TENM3: variants seen among roughly 807,000 people sequenced by gnomAD.
TENM3 encodes teneurin transmembrane protein 3, also known as teneurin-3.
In TENM3, 63 loss-of-function variants were observed where a neutral mutation model predicts 255.1. The observed-to-expected ratio is 0.25, with a 90% CI of 0.20 to 0.30. TENM3 has a LOEUF of 0.30. Among genes scored for constraint, TENM3 ranks in the 10% least tolerant of loss-of-function variants. The probability of loss-of-function intolerance (pLI) is 1.00; values close to 1 mark genes in which losing one functional copy is unlikely to be tolerated. For missense variants in TENM3, 2,929 were observed against 3,461.1 expected, an observed-to-expected ratio of 0.85 and a Z score of 3.86; for synonymous variants, 1,306 against 1,322.3, an observed-to-expected ratio of 0.99 and a Z score of 0.27.
At chr4:182,798,142 G>C (rs1432532374) in intron 27 of TENM3, among the ~76,000 whole-genome samples, 1 of 152,024 alleles carries the variant, frequency 6.6e-6, no homozygotes. Flanking sequence ...CAAGTATCTG[G>C]GACTACAGGC....
Position 182,646,940 on chromosome 4 carries a change from T to G in TENM3, c.989-6831T>G, listed in dbSNP as rs1457446755. ...GAAGGAGAGAAATTAAGCAAAAATT[T>G]GAAAGATATCAGAATTAAGAAACCC... On this transcript the variant is annotated intron_variant, in intron 5 of 27. Coordinates refer to ENST00000511685, the MANE Select transcript of TENM3 (RefSeq NM_001080477.4). Among the ~76,000 whole-genome samples, 3 of 152,256 alleles carry G rather than the reference T, an allele frequency of 2.0e-5. No individual in the cohort carries two copies. In the East Asian group the frequency reaches 5.8e-4, roughly 29 times the overall value.
chr4:182,431,603 A>G (rs1301807361), intron 3 of TENM3, among the ~76,000 whole-genome samples: 1 of 152,200 alleles, frequency 6.6e-6, no homozygotes, highest in Non-Finnish European at 1.5e-5. Flanking sequence ...AGGAAAGACA[A>G]TTGAAATTTC....
At chr4:181,875,628 G>A in the TENM3 span, among the ~76,000 whole-genome samples, 5 of 152,074 alleles carry the variant, frequency 3.3e-5, no homozygotes, top group Admixed American at 1.3e-4. Context: ...GTCAAAAGAC[G>A]ACAACACATT....
At chr4:182,373,778 T>C (rs1767000786) in intron 3 of TENM3, among the ~76,000 whole-genome samples, 1 of 152,210 alleles carries the variant, frequency 6.6e-6, no homozygotes. Context: ...AGAGTCATTT[T>C]TGGGAGCCCC....
At chr4:181,477,373 C>G in the TENM3 span, among the ~76,000 whole-genome samples, 1 of 152,002 alleles carries the variant, frequency 6.6e-6, no homozygotes, top group African/African-American at 2.4e-5. Flanking sequence ...TTACTTACTG[C>G]CATATATACT....
At chr4:181,620,078 T>C in the TENM3 span, among the ~76,000 whole-genome samples, 6 of 151,968 alleles carry the variant, frequency 3.9e-5, no homozygotes, top group African/African-American at 7.3e-5. Flanking sequence ...CTGGGCAACA[T>C]AGGGAGACTC....
the TENM3 span, among the ~76,000 whole-genome samples, chr4:181,833,198 A>G: frequency 1.3e-5 from 2 of 152,170 alleles, no homozygotes; most frequent in African/African-American, 2.4e-5. Flanking sequence ...AGGAGAGGCT[A>G]TCAGAGATCA....
chr4:181,938,449 CACA>C, the TENM3 span, among the ~76,000 whole-genome samples: 6 of 152,172 alleles, frequency 3.9e-5, no homozygotes, highest in Admixed American at 6.5e-5. Context: ...AGAGATAATA[CACA>C]ACAAGCATAT....
At chr4:181,718,409 G>A in the TENM3 span, among the ~76,000 whole-genome samples, 1 of 152,026 alleles carries the variant, frequency 6.6e-6, no homozygotes, top group Non-Finnish European at 1.5e-5. Context: ...GTCACCCAAC[G>A]TTCAGTTTGA....
chr4:181,760,861 T>C, the TENM3 span, among the ~76,000 whole-genome samples: 1 of 151,920 alleles, frequency 6.6e-6, no homozygotes, highest in East Asian at 1.9e-4. Flanking sequence ...TGGTTGATGA[T>C]TATTTCTTCT....
At chr4:182,356,134 C>A (rs1476197064) in intron 3 of TENM3, among the ~76,000 whole-genome samples, 1 of 150,334 alleles carries the variant, frequency 6.7e-6, no homozygotes, top group Non-Finnish European at 1.5e-5. Context: ...TTTATAGAGG[C>A]AAAAAAAACC....
intron 1 of TENM3, among the ~76,000 whole-genome samples, chr4:182,316,339 A>C (rs981325064): frequency 1.3e-5 from 2 of 152,048 alleles, no homozygotes; most frequent in African/African-American, 4.8e-5. Context: ...TTCTGAGTAC[A>C]TCGCCCAGTG....
the TENM3 span, among the ~76,000 whole-genome samples, chr4:181,721,465 T>TG: frequency 7.3e-6 from 1 of 137,084 alleles, no homozygotes; most frequent in Non-Finnish European, 1.6e-5. Flanking sequence ...CCGGGTGTGG[T>TG]GGCGGGCGCC....
At chr4:182,144,063 T>C (rs1280446268), upstream of TENM3, 1 of 152,674 alleles carries the variant, frequency 6.5e-6, no homozygotes, top group Non-Finnish European at 1.5e-5. Context: ...TCTTGACAAG[T>C]GGCGGAGCGG....
intron 5 of TENM3, among the ~76,000 whole-genome samples, chr4:182,637,550 A>G (rs1367883984): frequency 6.6e-6 from 1 of 152,178 alleles, no homozygotes; most frequent in Non-Finnish European, 1.5e-5. Flanking sequence ...TAAAAAATAG[A>G]TTTAAAAAAA....
the TENM3 span, among the ~76,000 whole-genome samples, chr4:181,936,012 A>G: frequency 2.6e-5 from 4 of 152,188 alleles, no homozygotes; most frequent in Admixed American, 2.6e-4. Flanking sequence ...CTTGGCACAT[A>G]ATAGGTACTC....
intron 1 of TENM3, among the ~76,000 whole-genome samples, chr4:182,309,890 C>T (rs1762342674): frequency 6.6e-6 from 1 of 152,186 alleles, no homozygotes; most frequent in African/African-American, 2.4e-5. Flanking sequence ...ATCAAGTACT[C>T]ATTATGTTAT....
the TENM3 span, among the ~76,000 whole-genome samples, chr4:182,104,067 ATATT>A: frequency 6.6e-6 from 1 of 152,166 alleles, no homozygotes; most frequent in Non-Finnish European, 1.5e-5. Flanking sequence ...GTGCTGGTAA[ATATT>A]TAACACCCAG....
chr4:182,617,412 T>A lies in TENM3; in HGVS notation c.750-11239T>A, dbSNP rs73872450. 8.3e-3 allele frequency among the ~76,000 whole-genome samples: 1,257 copies of A among 152,310 alleles called. 20 individuals are homozygous for A. Among genetic ancestry groups the A allele is most frequent in the African/African-American group, 0.029 (1,214 of 41,570 alleles). ...TTGAACTCAGTAGTTAATTTTAGCC[T>A]TCATGTATTTCCAGGTACATTTAAT... On this transcript the variant is annotated intron_variant, in intron 4 of 27. Transcript: ENST00000511685.
Sources: allele counts gnomAD v4.1 joint callset (sites outside exome capture counted in the v4.1 genomes callset), GRCh38; gene constraint gnomAD v4.1.1; transcripts MANE v1.5; gene names NCBI Gene and HGNC (gene_info 2026-07-23, HGNC 2026-07-21).